Variants in ARB2A observed in about 807,000 individuals in gnomAD.
ARB2A encodes cotranscriptional regulator ARB2A.
the ARB2A span, among the ~76,000 whole-genome samples, chr5:93,886,458 G>A: frequency 6.6e-6 from 1 of 151,478 alleles, no homozygotes; most frequent in African/African-American, 2.4e-5. Context: ...CATCCTCAAG[G>A]GAATTGAAAC....
chr5:93,979,763 T>G, the ARB2A span, among the ~76,000 whole-genome samples: 1 of 152,086 alleles, frequency 6.6e-6, no homozygotes, highest in African/African-American at 2.4e-5. Flanking sequence ...TTTTCTATGT[T>G]TCTTTCTTTC....
the ARB2A span, among the ~76,000 whole-genome samples, chr5:93,652,887 G>C: frequency 6.6e-6 from 1 of 152,142 alleles, no homozygotes; most frequent in African/African-American, 2.4e-5. Flanking sequence ...ACATGAACTA[G>C]AGTTGTAGCA....
chr5:93,836,323 G>A, the ARB2A span, among the ~76,000 whole-genome samples: 1 of 152,194 alleles, frequency 6.6e-6, no homozygotes, highest in African/African-American at 2.4e-5. Flanking sequence ...CACCACGCCA[G>A]GCCTAAAGAA....
the ARB2A span, among the ~76,000 whole-genome samples, chr5:94,110,488 G>C: frequency 6.6e-6 from 1 of 152,174 alleles, no homozygotes; most frequent in South Asian, 2.1e-4. Flanking sequence ...TTTCAGCGTA[G>C]GATTCACTGG....
chr5:93,651,703 T>G, the ARB2A span, among the ~76,000 whole-genome samples: 1 of 152,144 alleles, frequency 6.6e-6, no homozygotes, highest in African/African-American at 2.4e-5. Flanking sequence ...AAAAAATAAC[T>G]GAATCTTAAA....
the ARB2A span, among the ~76,000 whole-genome samples, chr5:93,770,561 T>C: frequency 1.3e-5 from 2 of 152,100 alleles, no homozygotes; most frequent in South Asian, 2.1e-4. Context: ...GAAAACCCCA[T>C]TGTCTCAGCC....
At chr5:93,682,914 T>C in the ARB2A span, 4 of 1,564,606 alleles carry the variant, frequency 2.6e-6, no homozygotes, top group East Asian at 6.7e-5. Flanking sequence ...TTCACATAAT[T>C]GATGAATTTG....
At chr5:93,866,019 G>A in the ARB2A span, 1 of 984,846 alleles carries the variant, frequency 1.0e-6, no homozygotes, top group South Asian at 4.7e-5. Context: ...ATAATTAAGA[G>A]AAAAAACGTT....
chr5:93,858,204 T>C, the ARB2A span, among the ~76,000 whole-genome samples: 1 of 152,160 alleles, frequency 6.6e-6, no homozygotes, highest in Non-Finnish European at 1.5e-5. Context: ...GGGAAGCTCA[T>C]TAGAGATTCA....
chr5:94,030,669 T>G, the ARB2A span, among the ~76,000 whole-genome samples: 1 of 152,212 alleles, frequency 6.6e-6, no homozygotes, highest in Non-Finnish European at 1.5e-5. Flanking sequence ...TTTGTCTCCA[T>G]CAAAACTCAT....
the ARB2A span, among the ~76,000 whole-genome samples, chr5:93,826,209 G>A: frequency 6.6e-6 from 1 of 152,140 alleles, no homozygotes; most frequent in Admixed American, 6.5e-5. Context: ...AAACTGTGAA[G>A]AACTGAAACC....
At chr5:93,937,561 G>A in the ARB2A span, among the ~76,000 whole-genome samples, 2 of 151,766 alleles carry the variant, frequency 1.3e-5, no homozygotes, top group Admixed American at 6.6e-5. Context: ...GCAGTGAGCC[G>A]AGATTGCGCC....
At chr5:93,882,149 TTTTA>T in the ARB2A span, among the ~76,000 whole-genome samples, 5 of 151,456 alleles carry the variant, frequency 3.3e-5, no homozygotes, top group African/African-American at 4.8e-5. Context: ...CAAGAGCATT[TTTTA>T]TTTGTCTGAA....
chr5:93,745,307 T>C, the ARB2A span, among the ~76,000 whole-genome samples: 2 of 152,312 alleles, frequency 1.3e-5, no homozygotes, highest in East Asian at 1.9e-4. Flanking sequence ...TCCACTCACA[T>C]ACATTTGCTG....
At chr5:93,708,251 C>A in the ARB2A span, among the ~76,000 whole-genome samples, 1 of 152,142 alleles carries the variant, frequency 6.6e-6, no homozygotes. Flanking sequence ...TTTAAAAAGG[C>A]ACTATAATTA....
At chr5:94,035,244 T>C in the ARB2A span, among the ~76,000 whole-genome samples, 1 of 143,978 alleles carries the variant, frequency 6.9e-6, no homozygotes, top group Non-Finnish European at 1.6e-5. Context: ...TACATATACA[T>C]ATACATATAC....
At chr5:94,089,703 G>C in the ARB2A span, among the ~76,000 whole-genome samples, 1 of 148,150 alleles carries the variant, frequency 6.7e-6, no homozygotes, top group Non-Finnish European at 1.5e-5. Context: ...AGATAACTAA[G>C]TATACAAACA....
chr5:94,084,266 C>T, the ARB2A span, among the ~76,000 whole-genome samples: 5 of 71,460 alleles, frequency 7.0e-5, no homozygotes, highest in Non-Finnish European at 1.2e-4. Context: ...AGGAGCAAAA[C>T]TTCATCTCAA....
chr5:94,011,936 CAAAAAA>C, the ARB2A span, among the ~76,000 whole-genome samples: 28 of 30,200 alleles, frequency 9.3e-4, no homozygotes, highest in African/African-American at 2.8e-3. Flanking sequence ...AAAGGGTAGA[CAAAAAA>C]AAAAAAAAAA....
Sources: allele counts gnomAD v4.1 joint callset (sites outside exome capture counted in the v4.1 genomes callset), GRCh38; gene constraint gnomAD v4.1.1; transcripts MANE v1.5; gene names NCBI Gene and HGNC (gene_info 2026-07-23, HGNC 2026-07-21).